KCNIP4: variants seen among roughly 807,000 people sequenced by gnomAD.
The protein encoded by KCNIP4 is potassium voltage-gated channel interacting protein 4.
Under a neutral mutation model 34.0 loss-of-function variants are expected in KCNIP4, and 12 were observed. The observed-to-expected ratio is 0.35, with a 90% CI of 0.23 to 0.57. The LOEUF (loss-of-function observed/expected upper bound fraction) is 0.57. KCNIP4 is among the 20% of genes least tolerant of loss of function. KCNIP4 has a pLI of 0.83. For missense variants in KCNIP4, 238 were observed against 311.7 expected (o/e 0.76, Z 1.78); for synonymous variants, 124 against 102.2 (o/e 1.21, Z -1.29).
intron 1 of KCNIP4, among the ~76,000 whole-genome samples, chr4:21,452,215 G>C (rs1389347409): frequency 6.6e-6 from 1 of 152,062 alleles, no homozygotes; most frequent in African/African-American, 2.4e-5. Flanking sequence ...TCTCCCTAAT[G>C]ATACCACTGC....
chr4:21,692,709 GA>G (rs1271697362), intron 1 of KCNIP4, among the ~76,000 whole-genome samples: 1 of 149,914 alleles, frequency 6.7e-6, no homozygotes, highest in Admixed American at 6.7e-5. Context: ...TTAAAAAGTT[GA>G]AAAAAAATAA....
chr4:21,151,010 C>A (rs552336108), intron 1 of KCNIP4, among the ~76,000 whole-genome samples: 3 of 152,260 alleles, frequency 2.0e-5, no homozygotes, highest in South Asian at 4.1e-4. Flanking sequence ...TAAAAATCTA[C>A]TTGCTAGAAG....
At chr4:20,836,139 G>A (rs1015711849) in intron 3 of KCNIP4, among the ~76,000 whole-genome samples, 21 of 152,054 alleles carry the variant, frequency 1.4e-4, no homozygotes, top group African/African-American at 4.8e-4. Flanking sequence ...TTTGCCCTGT[G>A]CAATGAGTCA....
At chr4:21,827,267 T>C (rs184669103) in intron 1 of KCNIP4, among the ~76,000 whole-genome samples, 91 of 152,130 alleles carry the variant, frequency 6.0e-4, no homozygotes, top group African/African-American at 2.1e-3. Flanking sequence ...CAATATGCTC[T>C]AAAAGGAAAA....
chr4:21,238,020 G>T (rs1759503603), intron 1 of KCNIP4, among the ~76,000 whole-genome samples: 1 of 152,072 alleles, frequency 6.6e-6, no homozygotes, highest in Non-Finnish European at 1.5e-5. Flanking sequence ...ACATCAAAAA[G>T]CTTATCCACC....
chr4:21,259,885 C>CTCTGTG lies in KCNIP4; in HGVS notation c.62-377177_62-377176insCACAGA, dbSNP rs3221673. 3.4e-5 allele frequency among the ~76,000 whole-genome samples: 5 copies of CTCTGTG among 146,018 alleles called. No homozygotes were observed. In the East Asian group the frequency reaches 1.0e-3, roughly 30 times the overall value. On this transcript the variant is annotated intron_variant, in intron 1 of 8. Transcript: ENST00000382152. ...TGAAAGTTTGGCAAAGCGCCCAAGA[C>CTCTGTG]TGTGTGTGTGTGTGTGTGTGTGTGT...
intron 1 of KCNIP4, among the ~76,000 whole-genome samples, chr4:21,262,448 A>G (rs535057202): frequency 1.3e-5 from 2 of 152,170 alleles, no homozygotes; most frequent in Non-Finnish European, 2.9e-5. Flanking sequence ...GCTTCACCCC[A>G]GAGTGCAGCC....
At chr4:21,621,656 C>T (rs1047691034) in intron 1 of KCNIP4, among the ~76,000 whole-genome samples, 1 of 152,232 alleles carries the variant, frequency 6.6e-6, no homozygotes, top group Non-Finnish European at 1.5e-5. Context: ...CCATGTTCGG[C>T]CACTTCTTTT....
At chr4:21,009,357 G>T (rs1738864545) in intron 1 of KCNIP4, among the ~76,000 whole-genome samples, 1 of 152,198 alleles carries the variant, frequency 6.6e-6, no homozygotes, top group African/African-American at 2.4e-5. Context: ...CCTGGGTTCA[G>T]AGCCTCCATT....
intron 1 of KCNIP4, among the ~76,000 whole-genome samples, chr4:21,863,178 C>G (rs1725195677): frequency 2.6e-5 from 4 of 151,486 alleles, no homozygotes. Flanking sequence ...CAAAAGCAAT[C>G]CAGAATTATT....
intron 5 of KCNIP4, among the ~76,000 whole-genome samples, chr4:20,740,129 G>A (rs146714662): frequency 0.013 from 1,966 of 152,194 alleles, 32 homozygotes; most frequent in African/African-American, 0.033. Context: ...TGAAAGTGAC[G>A]GGGAGAATTG....
chr4:21,132,904 T>G (rs1183415855), intron 1 of KCNIP4, among the ~76,000 whole-genome samples: 1 of 150,098 alleles, frequency 6.7e-6, no homozygotes, highest in Non-Finnish European at 1.5e-5. Flanking sequence ...TCCCAGCTAC[T>G]TGGGACGCTG....
intron 1 of KCNIP4, among the ~76,000 whole-genome samples, chr4:21,547,156 G>A (rs1172823707): frequency 6.6e-6 from 1 of 151,960 alleles, no homozygotes; most frequent in Non-Finnish European, 1.5e-5. Flanking sequence ...GTTCAACTGA[G>A]TCTCCCAGCA....
chr4:20,925,965 C>T (rs1460613482), intron 1 of KCNIP4, among the ~76,000 whole-genome samples: 2 of 152,204 alleles, frequency 1.3e-5, no homozygotes, highest in Non-Finnish European at 2.9e-5. Flanking sequence ...TCATTAGAGA[C>T]AAAGTGCCCA....
chr4:21,567,990 G>T (rs185335096), intron 1 of KCNIP4, among the ~76,000 whole-genome samples: 1 of 152,154 alleles, frequency 6.6e-6, no homozygotes, highest in Non-Finnish European at 1.5e-5. Flanking sequence ...CATAGTCAGC[G>T]CTGCTATGTA....
In KCNIP4 at chr4:21,482,855, G is replaced by A. The variant is rs75590096; in HGVS notation, c.61+465716C>T. On this transcript the variant is annotated intron_variant, in intron 1 of 8. Transcript: ENST00000382152. ...CTATATTTCCTGAATTTGAATGTTG[G>A]CCTGACTTGCTAGATATAATGTGGC... Among the ~76,000 whole-genome samples, 10 of 152,044 alleles carry A rather than the reference G, an allele frequency of 6.6e-5. No homozygotes were observed. In the South Asian group the frequency reaches 1.2e-3, roughly 19 times the overall value.
chr4:20,797,226 A>T (rs1713593888), intron 3 of KCNIP4, among the ~76,000 whole-genome samples: 1 of 152,250 alleles, frequency 6.6e-6, no homozygotes, highest in Non-Finnish European at 1.5e-5. Flanking sequence ...AGAAGTACAC[A>T]GATATAAGGT....
intron 1 of KCNIP4, among the ~76,000 whole-genome samples, chr4:20,943,947 G>T (rs1731917770): frequency 6.6e-6 from 1 of 152,188 alleles, no homozygotes; most frequent in Non-Finnish European, 1.5e-5. Context: ...AGAATGGAAA[G>T]GTTGATTCTG....
intron 1 of KCNIP4, among the ~76,000 whole-genome samples, chr4:20,973,103 A>C (rs1325898221): frequency 6.6e-6 from 1 of 152,186 alleles, no homozygotes; most frequent in Non-Finnish European, 1.5e-5. Context: ...TGTCCTTTGA[A>C]GCTTTAAAGC....
Sources: gnomAD v4.1 joint callset for allele counts (sites outside exome capture counted in the v4.1 genomes callset) on GRCh38, gnomAD v4.1.1 for gene constraint, MANE v1.5 for transcripts, NCBI Gene and HGNC (gene_info 2026-07-23, HGNC 2026-07-21) for gene names.